BCLAF1: variants seen among roughly 807,000 people sequenced by gnomAD.
BCLAF1 encodes BCL2 associated transcription factor 1.
BCLAF1 carries 10 observed loss-of-function variants against 99.5 expected under a neutral mutation model. The ratio of observed to expected loss-of-function variants is 0.10; its 90% CI spans 0.06 to 0.17. The LOEUF is 0.17. Ranked by LOEUF, BCLAF1 falls within the 10% of genes least tolerant of loss-of-function variation. The pLI, the probability that BCLAF1 is intolerant of heterozygous loss-of-function variation, is 1.00. For missense variants in BCLAF1, 636 were observed against 1,105.8 expected (o/e 0.58, Z 6.02); for synonymous variants, 255 against 370.9 (o/e 0.69, Z 3.59).
At position 136,289,194 on chromosome 6, in the gene BCLAF1, C is replaced by T. The variant is rs148546278; in HGVS notation, c.-115+519G>A. 5.5e-4 allele frequency among the ~76,000 whole-genome samples: 84 copies of T among 152,356 alleles called. 2 individuals are homozygous for T. The East Asian group carries it at 7.3e-3, about 13-fold the overall frequency. On this transcript the variant is annotated intron_variant, in intron 1 of 12. Transcript: ENST00000531224. ...AAAGACCACGCGAAAAGGGGTAGACCTACTCAACGCACTTTGCTGCGGGTC... is the reference window on the plus strand; with the variant it reads ...AAAGACCACGCGAAAAGGGGTAGACTTACTCAACGCACTTTGCTGCGGGTC...
intron 11 of BCLAF1, among the ~76,000 whole-genome samples, chr6:136,264,283 T>C (rs1584011357): frequency 6.6e-6 from 1 of 152,188 alleles, no homozygotes; most frequent in Non-Finnish European, 1.5e-5. Context: ...CTTGGCTCAC[T>C]GCAACCTCCA....
chr6:136,261,542 C>A, intron 11 of BCLAF1, 65 bp from the exon 12 acceptor site: 1 of 1,479,056 alleles, frequency 6.8e-7, no homozygotes, highest in Non-Finnish European at 9.3e-7. Context: ...TTTCTCCAAT[C>A]ATAAATCACA....
intron 10 of BCLAF1, among the ~76,000 whole-genome samples, chr6:136,267,934 T>C (rs1316441978): frequency 6.6e-6 from 1 of 151,922 alleles, no homozygotes; most frequent in Non-Finnish European, 1.5e-5. Context: ...CAGTTATTGA[T>C]CTCGAAGTCA....
chr6:136,265,971 C>G (rs1044992484), intron 11 of BCLAF1, among the ~76,000 whole-genome samples: 1 of 152,118 alleles, frequency 6.6e-6, no homozygotes, highest in African/African-American at 2.4e-5. Flanking sequence ...ATGCCTTTTA[C>G]TTTCCAGAAT....
rs9483922 is a variant in BCLAF1 at position 136,256,909 on chromosome 6, G to A, written c.*4201C>T. On this transcript the variant is annotated 3_prime_UTR_variant, in exon 13 of 13. Coordinates refer to ENST00000531224, the MANE Select transcript of BCLAF1 (RefSeq NM_014739.3). ...TTTATTGTTGCTCTTCGCATTCCAT[G>A]AAATTTGTAATCACTATGACAGTAC... is the stretch of plus-strand genomic sequence containing the variant. 15 of 152,242 alleles carry A rather than the reference G, an allele frequency of 9.9e-5. No individual in the cohort carries two copies. Among genetic ancestry groups the A allele is most frequent in the African/African-American group, 3.6e-4 (15 of 41,432 alleles). 9.4% of individuals were successfully genotyped at this position (152,242 alleles called of 1,614,324 possible). A position where few individuals can be genotyped will look rare whatever the true frequency, so the allele number is the denominator to read the frequency against.
intron 1 of BCLAF1, among the ~76,000 whole-genome samples, chr6:136,283,318 G>A (rs1286834225): frequency 6.7e-6 from 1 of 150,272 alleles, no homozygotes; most frequent in Non-Finnish European, 1.5e-5. Context: ...TTAGTTTCAT[G>A]TGAAACTGAT....
At position 136,259,878 on chromosome 6, in the gene BCLAF1, T is replaced by C. The variant is rs1352112222; in HGVS notation, c.*1232A>G. ...CACTTAACATTGAAATTTACTATTT[T>C]AGATTTTCACTCCTTTAAGAGCTAT... On this transcript the variant is annotated 3_prime_UTR_variant, in exon 13 of 13. Coordinates refer to ENST00000531224, the MANE Select transcript of BCLAF1 (RefSeq NM_014739.3). 2 of 152,046 alleles carry C rather than the reference T, an allele frequency of 1.3e-5. No homozygotes were observed. The highest frequency in any genetic ancestry group is 4.8e-5 in the African/African-American group (2 of 41,434). The allele number at this position is 152,046 out of a possible 1,614,324, so 9.4% of individuals were successfully genotyped here.
intron 11 of BCLAF1, among the ~76,000 whole-genome samples, chr6:136,262,104 A>C (rs1025135734): frequency 2.0e-5 from 3 of 152,168 alleles, no homozygotes; most frequent in African/African-American, 7.2e-5. Flanking sequence ...AAAGTACTGC[A>C]GTTATCACAT....
At chr6:136,278,994 A>AACACACACAC (rs71006795) in intron 3 of BCLAF1, among the ~76,000 whole-genome samples, 13,118 of 145,316 alleles carry the variant, frequency 0.09, 632 homozygotes, top group African/African-American at 0.12. Context: ...GAAGGCACAA[A>AACACACACAC]ACACACACAC....
At position 136,282,583 on chromosome 6, in the gene BCLAF1, C is replaced by A. The variant is rs1230355307; in HGVS notation, c.-11+1G>T. The A allele has an allele frequency of 6.6e-6, 1 of 152,102 alleles. No homozygotes were observed. The highest frequency in any genetic ancestry group is 1.5e-5 in the Non-Finnish European group (1 of 68,010). 9.4% of individuals were successfully genotyped at this position (152,102 alleles called of 1,614,324 possible). A position where few individuals can be genotyped will look rare whatever the true frequency, so the allele number is the denominator to read the frequency against. On this transcript the variant is annotated splice_donor_variant, in intron 2 of 12. Transcript: ENST00000531224. LOFTEE classifies it low-confidence loss of function (5UTR_SPLICE). ...AACTAGAAAAATGAATGCTCTTTTA[C>A]CTTGGTTTTATGCAGGATCAAGAAG...
In BCLAF1 at chr6:136,274,612, C is replaced by T. The variant is rs1018684135; in HGVS notation, c.1852+920G>A. ...TGCTAGAGGCAAGTTTCATCTATTA[C>T]ATTGAGCTGTTCTCATGTCAAACGA... On this transcript the variant is annotated intron_variant, in intron 6 of 12. Transcript: ENST00000531224. Among the ~76,000 whole-genome samples the T allele has an allele frequency of 2.6e-5, 4 of 151,910 alleles. No individual in the cohort carries two copies. The South Asian group carries it at 6.2e-4, about 24-fold the overall frequency.
rs1466200325 is a variant in BCLAF1 at position 136,269,571 on chromosome 6, A to G, written c.2085T>C (p.His695=). The change falls in exon 9 of 13, where the codon CAT becomes CAC. Residue 695 remains histidine, a synonymous_variant. Transcript: ENST00000531224. ...TTTCTTTTCTACGGCGATCAATGTC[A>G]TGCCGAAGGTCAGCAGAGTCACACC... ...KLRCDSADLR[H]DIDRRRKERS... 1.2e-6 allele frequency: 2 copies of G among 1,611,352 alleles called. No individual in the cohort carries two copies. The highest frequency in any genetic ancestry group is 2.2e-5 in the East Asian group (1 of 44,830).
chr6:136,268,204 T>C lies in BCLAF1; in HGVS notation c.2355A>G (p.Glu785=). ...GGCTAACTCCTGCAAAGCCTGAGTATTCTTTCATTTCATGGTGAGTTTTAA... is the reference window on the plus strand; with the variant it reads ...GGCTAACTCCTGCAAAGCCTGAGTACTCTTTCATTTCATGGTGAGTTTTAA... ...EEFKTHHEMK[E]YSGFAGVSRP... The change falls in exon 10 of 13, where the codon GAA becomes GAG. Residue 785 remains glutamate, a synonymous_variant. Coordinates refer to ENST00000531224, the MANE Select transcript of BCLAF1 (RefSeq NM_014739.3). 5.8e-6 allele frequency: 9 copies of C among 1,562,836 alleles called. No individual in the cohort carries two copies. The highest frequency in any genetic ancestry group is 6.9e-6 in the Non-Finnish European group (8 of 1,160,012).
chr6:136,267,210 A>G, intron 10 of BCLAF1, 35 bp from the exon 11 acceptor site: 1 of 1,600,626 alleles, frequency 6.2e-7, no homozygotes. Flanking sequence ...TAGTGATGCA[A>G]TCAAAAGGTA....
intron 2 of BCLAF1, among the ~76,000 whole-genome samples, chr6:136,281,202 T>C (rs1405719905): frequency 6.6e-6 from 1 of 152,166 alleles, no homozygotes; most frequent in Non-Finnish European, 1.5e-5. Flanking sequence ...TCACTCTTCT[T>C]CTCAATCCCA....
chr6:136,284,083 A>T (rs1261159809), intron 1 of BCLAF1, among the ~76,000 whole-genome samples: 1 of 148,218 alleles, frequency 6.7e-6, no homozygotes, highest in African/African-American at 2.5e-5. Context: ...AAACAATTCC[A>T]AAAGGCTAAT....
intron 2 of BCLAF1, among the ~76,000 whole-genome samples, chr6:136,282,265 A>G (rs1784470910): frequency 6.6e-6 from 1 of 152,168 alleles, no homozygotes; most frequent in African/African-American, 2.4e-5. Flanking sequence ...GAGAGAAACA[A>G]GTTATGAATC....
rs894828300 is a variant in BCLAF1, at chr6:136,257,214, T to C, written c.*3896A>G. On this transcript the variant is annotated 3_prime_UTR_variant, in exon 13 of 13. Transcript: ENST00000531224. ...TGTGGTAAAACACCAAAAATATCCATAGGAAAAATTTTCCTATATACAGAT... is the reference window on the plus strand; with the variant it reads ...TGTGGTAAAACACCAAAAATATCCACAGGAAAAATTTTCCTATATACAGAT... The C allele has an allele frequency of 3.9e-5, 6 of 152,198 alleles. No homozygotes were observed. Among genetic ancestry groups the C allele is most frequent in the African/African-American group, 7.2e-5 (3 of 41,450 alleles). The allele number at this position is 152,198 out of a possible 1,614,324, so 9.4% of individuals were successfully genotyped here.
At chr6:136,281,974 G>C (rs1784434307) in intron 2 of BCLAF1, among the ~76,000 whole-genome samples, 1 of 152,202 alleles carries the variant, frequency 6.6e-6, no homozygotes, top group East Asian at 1.9e-4. Flanking sequence ...CTAACGGAAA[G>C]AAAGCATGCC....
Sources: gnomAD v4.1 joint callset for allele counts (sites outside exome capture counted in the v4.1 genomes callset) on GRCh38, gnomAD v4.1.1 for gene constraint, MANE v1.5 for transcripts, NCBI Gene and HGNC (gene_info 2026-07-23, HGNC 2026-07-21) for gene names.